WHRN: variants seen among roughly 807,000 people sequenced by gnomAD.
WHRN encodes the protein whirlin.
Under a neutral mutation model 68.3 loss-of-function variants are expected in WHRN, and 41 were observed. That is an observed-to-expected ratio of 0.60 (90% CI 0.47 to 0.78). WHRN has a LOEUF of 0.78. WHRN is among the 30% of genes least tolerant of loss of function. The probability of loss-of-function intolerance (pLI) is 0.00; values close to 1 mark genes in which losing one functional copy is unlikely to be tolerated. For missense variants in WHRN, 1,243 were observed against 1,244.7 expected, an observed-to-expected ratio of 1.00 and a Z score of 0.02; for synonymous variants, 560 against 561.3, an observed-to-expected ratio of 1.00 and a Z score of 0.03.
At chr9:114,413,142 C>T (rs776649676) in intron 7 of WHRN, among the ~76,000 whole-genome samples, 3 of 152,104 alleles carry the variant, frequency 2.0e-5, no homozygotes, top group Admixed American at 6.5e-5. Context: ...TCTGGATATT[C>T]GCCAGTGGGG....
At chr9:114,435,203 A>G (rs376858161) in intron 3 of WHRN, among the ~76,000 whole-genome samples, 6 of 152,206 alleles carry the variant, frequency 3.9e-5, no homozygotes, top group African/African-American at 1.4e-4. Context: ...CAGAGAGTTC[A>G]AAGTCAGTGC....
At chr9:114,412,825 A>G (rs1835545095) in intron 7 of WHRN, among the ~76,000 whole-genome samples, 1 of 152,206 alleles carries the variant, frequency 6.6e-6, no homozygotes, top group South Asian at 2.1e-4. Context: ...GCTCCCCTGC[A>G]TGATGTCAAA....
chr9:114,459,926 G>C (rs1053107562), intron 3 of WHRN, among the ~76,000 whole-genome samples: 3 of 152,184 alleles, frequency 2.0e-5, no homozygotes, highest in African/African-American at 7.2e-5. Context: ...TTGGAGGTGG[G>C]GCTGGGAGGC....
chr9:114,404,179 T>C (rs1834868134), intron 9 of WHRN, 102 bp from the exon 10 acceptor site: 1 of 1,265,890 alleles, frequency 7.9e-7, no homozygotes. Flanking sequence ...GCTGGGGGAA[T>C]TCCCCAGGCA....
At position 114,504,919 on chromosome 9, in the gene WHRN, TG is replaced by T; in HGVS notation, c.-119del. ...GAGCGCGGAGACGACGGCTGGAGCC[TG>T]GGTTTGGGGAGCACGGGTACAGTGG... On this transcript the variant is annotated 5_prime_UTR_variant, in exon 1 of 12. Transcript: ENST00000362057. 2 of 1,309,080 alleles carry T rather than the reference TG, an allele frequency of 1.5e-6. No individual in the cohort carries two copies. The highest frequency in any genetic ancestry group is 1.9e-6 in the Non-Finnish European group (2 of 1,031,864). 81.1% of individuals were successfully genotyped at this position (1,309,080 alleles called of 1,614,324 possible).
At chr9:114,442,785 G>A (rs1039213148) in intron 3 of WHRN, among the ~76,000 whole-genome samples, 1 of 152,190 alleles carries the variant, frequency 6.6e-6, no homozygotes, top group Non-Finnish European at 1.5e-5. Flanking sequence ...TAAAGCAGTT[G>A]CTGGCACGGC....
At chr9:114,457,832 C>T (rs1839930720) in intron 3 of WHRN, among the ~76,000 whole-genome samples, 1 of 151,306 alleles carries the variant, frequency 6.6e-6, no homozygotes, top group Non-Finnish European at 1.5e-5. Context: ...AGGAGGATCG[C>T]TTGAACCCAG....
chr9:114,504,402 C>T lies in WHRN; in HGVS notation c.400G>A (p.Gly134Arg), dbSNP rs761031396. Reference sequence around the variant, plus strand: ...CTCACCAGGCGCACCTCCCCTGGCCCCGCGCTGTCGGGGCCGCCCCAGGCG... The same window carrying T: ...CTCACCAGGCGCACCTCCCCTGGCCTCGCGCTGTCGGGGCCGCCCCAGGCG... The part of the protein sequence containing the change: ...QPAWGGPDSA[G>R]PGEVRLVSLR... The change falls in exon 1 of 12, where the codon GGG (glycine) becomes AGG (arginine). Residue 134 changes from glycine to arginine, a missense_variant. Physicochemically the swap from Gly to Arg is moderately radical, Grantham distance 125 (BLOSUM62 -2). Coordinates refer to ENST00000362057, the MANE Select transcript of WHRN (RefSeq NM_015404.4). 11 of 1,605,546 alleles carry T rather than the reference C, an allele frequency of 6.9e-6. No homozygotes were observed. Among genetic ancestry groups the T allele is most frequent in the Middle Eastern group, 1.6e-4 (1 of 6,080 alleles).
At position 114,423,486 on chromosome 9, in the gene WHRN, G is replaced by A. The variant is rs79572315; in HGVS notation, c.1454C>T (p.Pro485Leu). The change falls in exon 7 of 12, where the codon CCG (proline) becomes CTG (leucine). Residue 485 changes from proline to leucine, a missense_variant. Physicochemically the swap from Pro to Leu is moderately conservative, Grantham distance 98 (BLOSUM62 -3). Coordinates refer to ENST00000362057, the MANE Select transcript of WHRN (RefSeq NM_015404.4). The stretch of plus-strand genomic sequence containing the variant: ...GTGGTCGAAGCGTTCTAGGTCTTGC[G>A]GGGAAATGGTGCCTCTCACCTCAGA... ...LLSEVRGTISPQDLERFDHLV... is the reference protein window; with the variant it reads ...LLSEVRGTISLQDLERFDHLV... The A allele has an allele frequency of 3.1e-3, 5,066 of 1,612,330 alleles. 27 individuals carry two copies. The highest frequency in any genetic ancestry group is 3.5e-3 in the South Asian group (323 of 91,038).
chr9:114,467,704 G>A (rs1205211745), intron 2 of WHRN, among the ~76,000 whole-genome samples: 1 of 152,110 alleles, frequency 6.6e-6, no homozygotes, highest in Non-Finnish European at 1.5e-5. Context: ...AATCCATGAG[G>A]GAAGCTGCAG....
chr9:114,403,041 C>T, intron 11 of WHRN, 105 bp from the exon 12 acceptor site: 1 of 1,529,480 alleles, frequency 6.5e-7, no homozygotes. Flanking sequence ...CAGCTACAAT[C>T]TGAGTGTCCA....
Position 114,403,344 on chromosome 9 carries a change from G to T in WHRN, c.2419-5C>A. ...CGTGGGCTCCAGAAGTCCAGGCTGT[G>T]GGTATTAGGAAGGACACCACTGAGG... On this transcript the variant is annotated splice_polypyrimidine_tract_variant and splice_region_variant and intron_variant, in intron 10 of 11. Coordinates refer to ENST00000362057, the MANE Select transcript of WHRN (RefSeq NM_015404.4). The T allele has an allele frequency of 6.2e-7, 1 of 1,613,944 alleles. No individual in the cohort carries two copies. Among genetic ancestry groups the T allele is most frequent in the South Asian group, 1.1e-5 (1 of 91,074 alleles).
intron 3 of WHRN, among the ~76,000 whole-genome samples, chr9:114,438,637 A>G (rs1838088312): frequency 6.6e-6 from 1 of 151,892 alleles, no homozygotes; most frequent in Non-Finnish European, 1.5e-5. Context: ...TATTTTTAGT[A>G]GAGATGGGGT....
intron 3 of WHRN, among the ~76,000 whole-genome samples, chr9:114,448,481 A>C (rs948033373): frequency 6.6e-6 from 1 of 152,160 alleles, no homozygotes; most frequent in African/African-American, 2.4e-5. Flanking sequence ...TCACATAGAA[A>C]GAAGGGCCTA....
chr9:114,436,008 C>T (rs1380208797), intron 3 of WHRN, among the ~76,000 whole-genome samples: 1 of 152,122 alleles, frequency 6.6e-6, no homozygotes, highest in Non-Finnish European at 1.5e-5. Context: ...TTAACATTAT[C>T]CCAACAAAAA....
intron 3 of WHRN, among the ~76,000 whole-genome samples, chr9:114,429,796 A>C (rs932978164): frequency 3.9e-5 from 6 of 152,176 alleles, no homozygotes; most frequent in African/African-American, 1.4e-4. Flanking sequence ...GCTGATGCTA[A>C]GAGGCAGAGC....
At position 114,404,061 on chromosome 9, in the gene WHRN, G is replaced by A. The variant is rs376186791; in HGVS notation, c.2253C>T (p.Ser751=). The A allele has an allele frequency of 1.1e-5, 18 of 1,613,150 alleles. No individual in the cohort carries two copies. The African/African-American group carries it at 2.3e-4, about 20-fold the overall frequency. The change falls in exon 10 of 12, where the codon TCC becomes TCT. Residue 751 remains serine, a synonymous_variant. Coordinates refer to ENST00000362057, the MANE Select transcript of WHRN (RefSeq NM_015404.4). ...GAGTCTGCCCGCTGTCCGAGAGCTG[G>A]GAGAGCGTAGAGGCTGCTGGAGAGG... ...LPQTRTASTL[S]QLSDSGQTLS...
intron 2 of WHRN, among the ~76,000 whole-genome samples, chr9:114,470,580 G>A (rs1465515597): frequency 6.6e-6 from 1 of 152,150 alleles, no homozygotes; most frequent in Non-Finnish European, 1.5e-5. Flanking sequence ...CATGAGAAGT[G>A]GTGGTCTTAC....
At chr9:114,433,539 G>A (rs887387256) in intron 3 of WHRN, among the ~76,000 whole-genome samples, 11 of 152,292 alleles carry the variant, frequency 7.2e-5, no homozygotes, top group African/African-American at 2.6e-4. Flanking sequence ...GAGTTTTATT[G>A]CAATTATGAA....
Sources: gnomAD v4.1 joint callset for allele counts (sites outside exome capture counted in the v4.1 genomes callset) on GRCh38, gnomAD v4.1.1 for gene constraint, MANE v1.5 for transcripts, NCBI Gene and HGNC (gene_info 2026-07-23, HGNC 2026-07-21) for gene names.